DEFB109B: variants seen among roughly 807,000 people sequenced by gnomAD.
The protein encoded by DEFB109B is beta-defensin 109B.
exon 2 of DEFB109B, chr8:7,319,891 A>G (rs1445016344): frequency 7.2e-4 from 54 of 75,442 alleles, no homozygotes; most frequent in Non-Finnish European, 1.0e-3. Flanking sequence ...TTTTAATGCC[A>G]ATTCCAACAC....
rs1277252683 is a variant in DEFB109B at position 7,315,736 on chromosome 8, G to T, written n.58+2833G>T. Among the ~76,000 whole-genome samples the T allele has an allele frequency of 2.8e-5, 4 of 140,504 alleles. 1 individual carries two copies. The highest frequency in any genetic ancestry group is 1.2e-4 in the African/African-American group (4 of 32,026). The allele number at this position is 140,504 out of a possible 152,430, so 92.2% of individuals were successfully genotyped here. A position where few individuals can be genotyped will look rare whatever the true frequency, so the allele number is the denominator to read the frequency against. ...CTGCTGCAACTCAGGTACACACAAA[G>T]CATGTGTGGATCCGTTCTTTTTTCA... is the stretch of plus-strand genomic sequence containing the variant. On this transcript the variant is annotated intron_variant and non_coding_transcript_variant, in intron 1 of 1. Coordinates refer to ENST00000382656, the Ensembl canonical transcript of DEFB109B.
At chr8:7,310,292 G>C (rs1266312790), upstream of DEFB109B, among the ~76,000 whole-genome samples, 4 of 28,784 alleles carry the variant, frequency 1.4e-4, no homozygotes, top group African/African-American at 1.1e-3. Flanking sequence ...TAAGAAGCCA[G>C]AGGCCAGTCA....
intron 1 of DEFB109B, among the ~76,000 whole-genome samples, chr8:7,315,436 T>C (rs1351049342): frequency 2.2e-5 from 3 of 136,070 alleles, no homozygotes; most frequent in Non-Finnish European, 4.5e-5. Context: ...GAGGCGGAGG[T>C]TGCGGTGAGC....
intron 1 of DEFB109B, 165 bp from the exon 2 acceptor site, chr8:7,319,581 G>A (rs1188779269): frequency 7.3e-6 from 1 of 137,884 alleles, no homozygotes; most frequent in Non-Finnish European, 1.5e-5. Context: ...GATTGGAACT[G>A]CTACCTTTCT....
chr8:7,319,219 A>G (rs1803147241), intron 1 of DEFB109B: 1 of 116,730 alleles, frequency 8.6e-6, no homozygotes, highest in African/African-American at 4.2e-5. Flanking sequence ...AAACTATGGC[A>G]ACACAGTGAA....
At chr8:7,315,470 G>A (rs184894757) in intron 1 of DEFB109B, among the ~76,000 whole-genome samples, 2 of 133,512 alleles carry the variant, frequency 1.5e-5, no homozygotes, top group South Asian at 4.5e-4. Context: ...TTGCACTCTA[G>A]CCTGGGCGAC....
intron 1 of DEFB109B, among the ~76,000 whole-genome samples, chr8:7,316,782 A>G (rs1185292346): frequency 7.3e-6 from 1 of 137,302 alleles, no homozygotes; most frequent in Non-Finnish European, 1.5e-5. Context: ...GTCCACCACC[A>G]TCTTCAGCTA....
intron 1 of DEFB109B, 124 bp from the exon 2 acceptor site, chr8:7,319,622 G>A (rs1279521795): frequency 7.0e-6 from 1 of 142,576 alleles, no homozygotes; most frequent in Non-Finnish European, 1.5e-5. Context: ...CATATGAGCA[G>A]CAACCATGTC....
At chr8:7,312,334 G>A (rs1802655584), upstream of DEFB109B, among the ~76,000 whole-genome samples, 2 of 138,718 alleles carry the variant, frequency 1.4e-5, no homozygotes, top group South Asian at 4.2e-4. Flanking sequence ...GTCGATCTTA[G>A]GGGTTCTGAC....
At chr8:7,311,878 C>A (rs1802627083), upstream of DEFB109B, among the ~76,000 whole-genome samples, 1 of 76,532 alleles carries the variant, frequency 1.3e-5, no homozygotes, top group Non-Finnish European at 2.1e-5. Context: ...TTTTAAAAAC[C>A]CCTAGTGTAA....
At chr8:7,309,662 TG>T (rs1247582598), upstream of DEFB109B, among the ~76,000 whole-genome samples, 1 of 148,038 alleles carries the variant, frequency 6.8e-6, no homozygotes. Flanking sequence ...GACATGGTTT[TG>T]GTGATTCTGT....
chr8:7,319,399 AG>A (rs1420017609), intron 1 of DEFB109B: 1 of 145,280 alleles, frequency 6.9e-6, no homozygotes. Context: ...ACAAGGTGGA[AG>A]CACCAGGGCC....
At chr8:7,315,736 G>C (rs1277252683) in intron 1 of DEFB109B, among the ~76,000 whole-genome samples, 1 of 140,506 alleles carries the variant, frequency 7.1e-6, no homozygotes, top group Non-Finnish European at 1.5e-5. Flanking sequence ...TACACACAAA[G>C]CATGTGTGGA....
At chr8:7,313,612 C>T (rs1381524224) in intron 1 of DEFB109B, among the ~76,000 whole-genome samples, 1 of 145,054 alleles carries the variant, frequency 6.9e-6, no homozygotes, top group East Asian at 1.9e-4. Context: ...TTACAGGTAA[C>T]CACACAGAAA....
chr8:7,317,415 A>T (rs1362966009), intron 1 of DEFB109B, among the ~76,000 whole-genome samples: 1 of 147,806 alleles, frequency 6.8e-6, no homozygotes, highest in Non-Finnish European at 1.5e-5. Flanking sequence ...CTAGTGCTCA[A>T]GCTCCAGTTC....
At chr8:7,316,763 A>G (rs1271753416) in intron 1 of DEFB109B, among the ~76,000 whole-genome samples, 1 of 141,276 alleles carries the variant, frequency 7.1e-6, no homozygotes, top group African/African-American at 3.2e-5. Flanking sequence ...AGTAGCTGGG[A>G]CTACAAGTGT....
At chr8:7,315,446 C>A (rs1343636227) in intron 1 of DEFB109B, among the ~76,000 whole-genome samples, 1 of 137,086 alleles carries the variant, frequency 7.3e-6, no homozygotes, top group Non-Finnish European at 1.5e-5. Flanking sequence ...TTGCGGTGAG[C>A]CGAGATCGTG....
chr8:7,315,294 G>A (rs1802832946), intron 1 of DEFB109B, among the ~76,000 whole-genome samples: 1 of 130,600 alleles, frequency 7.7e-6, no homozygotes, highest in Non-Finnish European at 1.5e-5. Flanking sequence ...GAGGCCGGCA[G>A]ATCACGAGGT....
upstream of DEFB109B, among the ~76,000 whole-genome samples, chr8:7,309,725 C>A (rs1417509974): frequency 2.1e-5 from 3 of 143,336 alleles, no homozygotes; most frequent in South Asian, 4.3e-4. Flanking sequence ...CTAAGTAGAT[C>A]AGAAAATTTT....
Sources: allele counts gnomAD v4.1 joint callset (sites outside exome capture counted in the v4.1 genomes callset), GRCh38; gene constraint gnomAD v4.1.1; transcripts MANE v1.5; gene names NCBI Gene and HGNC (gene_info 2026-07-23, HGNC 2026-07-21).